Variants in PDXDC1 observed in about 807,000 individuals in gnomAD.
PDXDC1 encodes pyridoxal dependent decarboxylase domain containing 1, also known as pyridoxal-dependent decarboxylase domain-containing protein 1.
A neutral mutation model predicts 100.1 loss-of-function variants in PDXDC1; 42 were observed. The ratio of observed to expected loss-of-function variants is 0.42; its 90% CI spans 0.33 to 0.54. The LOEUF (loss-of-function observed/expected upper bound fraction) is 0.54. Ranked by LOEUF, PDXDC1 falls within the 20% of genes least tolerant of loss-of-function variation. The probability of loss-of-function intolerance (pLI) is 0.10; values close to 1 mark genes in which losing one functional copy is unlikely to be tolerated. For missense variants in PDXDC1, 636 were observed against 979.2 expected (o/e 0.65, Z 4.68); for synonymous variants, 260 against 371.7 (o/e 0.70, Z 3.46).
intron 1 of PDXDC1, among the ~76,000 whole-genome samples, chr16:14,976,028 T>C (rs1966784490): frequency 1.3e-5 from 2 of 152,300 alleles, no homozygotes; most frequent in African/African-American, 4.8e-5. Context: ...TGGTTTCCCC[T>C]TGGGGGAACG....
rs1042589546 is a variant in PDXDC1, at chr16:15,037,688, C to T, written c.*1413C>T. On this transcript the variant is annotated 3_prime_UTR_variant, in exon 23 of 23. Transcript: ENST00000396410. ...TCAATAAAGGTTCTTGAAATTGTTA[C>T]CAGTGAATTCAGTTTATAAATCTTA... 13 of 184,344 alleles carry T rather than the reference C, an allele frequency of 7.1e-5. No homozygotes were observed. Among genetic ancestry groups the T allele is most frequent in the Non-Finnish European group, 1.3e-4 (12 of 90,338 alleles). 11.4% of individuals were successfully genotyped at this position (184,344 alleles called of 1,614,324 possible).
intron 16 of PDXDC1, among the ~76,000 whole-genome samples, chr16:15,100,824 G>GA (rs2046517607): frequency 6.6e-6 from 1 of 151,996 alleles, no homozygotes; most frequent in African/African-American, 2.4e-5. Context: ...GATCTCTACA[G>GA]AAAAATACAA....
Position 15,069,231 on chromosome 16 carries a change from C to T in PDXDC1, c.1399+39175C>T, listed in dbSNP as rs576366486. Among the ~76,000 whole-genome samples, 11 of 152,084 alleles carry T rather than the reference C, an allele frequency of 7.2e-5. No homozygotes were observed. In the East Asian group the frequency reaches 7.7e-4, roughly 11 times the overall value. On this transcript the variant is annotated intron_variant, in intron 16 of 16. Transcript: ENST00000535621. ...TTTAGTTGTCACAGCTGGGGGTGGT[C>T]GGGGACTGCTGTTGGCAGCTAGTAG...
intron 16 of PDXDC1, chr16:15,131,394 G>A (rs1167537588): frequency 1.2e-6 from 2 of 1,600,700 alleles, no homozygotes; most frequent in South Asian, 1.1e-5. Context: ...CCAGAAAGAT[G>A]AGCTGCACCA....
At chr16:15,106,420 C>T (rs2046799528) in intron 16 of PDXDC1, 1 of 599,746 alleles carries the variant, frequency 1.7e-6, no homozygotes, top group Non-Finnish European at 2.9e-6. Flanking sequence ...TACCCTTACA[C>T]AATCTATCTC....
intron 8 of PDXDC1, among the ~76,000 whole-genome samples, chr16:15,014,635 T>C (rs576921913): frequency 2.1e-3 from 314 of 152,342 alleles, no homozygotes; most frequent in Admixed American, 3.9e-3. Flanking sequence ...TCAGCCCTTT[T>C]CCTGGCATAG....
chr16:15,040,319 G>C (rs913499740), downstream of PDXDC1: 1 of 397,190 alleles, frequency 2.5e-6, no homozygotes, highest in Non-Finnish European at 4.4e-6. Context: ...TTCCACATGG[G>C]AGGCAGCCAT....
downstream of PDXDC1, among the ~76,000 whole-genome samples, chr16:15,140,095 CAAAAAAA>C (rs372891971): frequency 3.8e-3 from 167 of 43,838 alleles, no homozygotes; most frequent in Non-Finnish European, 4.4e-3. Context: ...GACTCCATCT[CAAAAAAA>C]AAAAAAAAAA....
intron 16 of PDXDC1, among the ~76,000 whole-genome samples, chr16:15,064,893 G>A (rs562329529): frequency 3.9e-5 from 6 of 152,322 alleles, no homozygotes; most frequent in African/African-American, 7.2e-5. Flanking sequence ...CTGGCCGGGC[G>A]CGGTGGCTCA....
chr16:15,018,586 C>T (rs1190766256), intron 11 of PDXDC1, among the ~76,000 whole-genome samples: 1 of 152,238 alleles, frequency 6.6e-6, no homozygotes, highest in Non-Finnish European at 1.5e-5. Context: ...GGGATGTGAC[C>T]CATCTGGGTT....
intron 16 of PDXDC1, among the ~76,000 whole-genome samples, chr16:15,136,292 C>G (rs1388895267): frequency 6.6e-6 from 1 of 152,322 alleles, no homozygotes; most frequent in Admixed American, 6.5e-5. Context: ...CTCACAGCAG[C>G]ACCCACCCAC....
chr16:15,093,922 G>A (rs2046242375), intron 16 of PDXDC1: 7 of 546,976 alleles, frequency 1.3e-5, no homozygotes, highest in Non-Finnish European at 9.6e-6. Context: ...AGTCGGGAAA[G>A]GGGGCCTCCA....
the PDXDC1 span, among the ~76,000 whole-genome samples, chr16:15,148,965 G>A: frequency 1.3e-5 from 2 of 152,202 alleles, no homozygotes; most frequent in Non-Finnish European, 2.9e-5. Context: ...GTCTAATAAA[G>A]AAACTACCGT....
At chr16:14,990,272 C>T (rs1289191757) in intron 1 of PDXDC1, 5 of 373,382 alleles carry the variant, frequency 1.3e-5, no homozygotes, top group Non-Finnish European at 1.8e-5. Context: ...GCGCCCACCC[C>T]GGCCCCCGCC....
At chr16:15,059,464 T>TA (rs2044637490) in intron 16 of PDXDC1, among the ~76,000 whole-genome samples, 1 of 152,214 alleles carries the variant, frequency 6.6e-6, no homozygotes, top group East Asian at 1.9e-4. Flanking sequence ...CTTAAAGCCT[T>TA]ACACTAGTAT....
chr16:14,982,222 A>G (rs1968153616), intron 1 of PDXDC1, among the ~76,000 whole-genome samples: 1 of 152,312 alleles, frequency 6.6e-6, no homozygotes, highest in Admixed American at 6.5e-5. Flanking sequence ...AATCTTAATG[A>G]GCCAGTAATT....
intron 13 of PDXDC1, among the ~76,000 whole-genome samples, chr16:15,024,392 C>G (rs549357935): frequency 7.3e-6 from 1 of 137,916 alleles, no homozygotes; most frequent in South Asian, 2.3e-4. Context: ...GTTTCCCACC[C>G]CCCGTCCCCA....
chr16:15,133,243 C>T, intron 16 of PDXDC1: 1 of 1,470,370 alleles, frequency 6.8e-7, no homozygotes, highest in Non-Finnish European at 9.4e-7. Flanking sequence ...GATGTGAGGT[C>T]CCCTGCCAGG....
At chr16:15,070,302 C>A (rs571309875) in intron 16 of PDXDC1, 1 of 1,603,732 alleles carries the variant, frequency 6.2e-7, no homozygotes, top group Non-Finnish European at 8.5e-7. Context: ...ATAAAAAAAC[C>A]AGAATAACAT....
Sources: allele counts gnomAD v4.1 joint callset (sites outside exome capture counted in the v4.1 genomes callset), GRCh38; gene constraint gnomAD v4.1.1; transcripts MANE v1.5; gene names NCBI Gene and HGNC (gene_info 2026-07-23, HGNC 2026-07-21).